ZBBX: variants seen among roughly 807,000 people sequenced by gnomAD.
ZBBX encodes the protein zinc finger B-box domain-containing protein 1.
In ZBBX, 101 loss-of-function variants were observed where a neutral mutation model predicts 108.5. The ratio of observed to expected loss-of-function variants is 0.93; its 90% CI spans 0.79 to 1.10. The LOEUF is 1.10. Among genes scored for constraint, ZBBX ranks in the 50% least tolerant of loss-of-function variants. The pLI is 0.00. For missense variants in ZBBX, 1,009 were observed against 941.4 expected (o/e 1.07, Z -0.94); for synonymous variants, 356 against 323.4 (o/e 1.10, Z -1.08).
At position 167,288,927 on chromosome 3, in the gene ZBBX, C is replaced by T. The variant is rs1437780790; in HGVS notation, c.1936G>A (p.Val646Ile). The stretch of plus-strand genomic sequence containing the variant: ...TGAGCACCCTGCAGAACACCCAAGA[C>T]AATTGCATTATCAGCATATTCACTT... The part of the protein sequence containing the change: ...SLSEYADNAI[V>I]LGVLQGAQSP... Residue 646 changes from valine to isoleucine, a missense_variant, in exon 19 of 22, where the codon GTC (valine) becomes ATC (isoleucine). Physicochemically the swap from Val to Ile is conservative, Grantham distance 29. Coordinates refer to ENST00000675490, the MANE Select transcript of ZBBX (RefSeq NM_001199201.2). 27 of 1,545,032 alleles carry T rather than the reference C, an allele frequency of 1.7e-5. No homozygotes were observed. Among genetic ancestry groups the T allele is most frequent in the Non-Finnish European group, 2.3e-5 (26 of 1,143,172 alleles).
At chr3:167,339,999 C>T (rs1577040198) in intron 9 of ZBBX, among the ~76,000 whole-genome samples, 1 of 151,982 alleles carries the variant, frequency 6.6e-6, no homozygotes, top group Non-Finnish European at 1.5e-5. Flanking sequence ...GTTGTGGCAG[C>T]AACACATGTA....
At chr3:167,393,079 A>G (rs551733493) in intron 1 of ZBBX, among the ~76,000 whole-genome samples, 1 of 151,930 alleles carries the variant, frequency 6.6e-6, no homozygotes, top group African/African-American at 2.4e-5. Flanking sequence ...AATGTTAGCT[A>G]GCCTAAAACA....
At chr3:167,395,156 G>A (rs1748190144) in intron 1 of ZBBX, among the ~76,000 whole-genome samples, 1 of 151,974 alleles carries the variant, frequency 6.6e-6, no homozygotes. Context: ...CTAGAAGAAT[G>A]AAGGCCAAGA....
At chr3:167,276,744 C>T (rs1358544088) in intron 20 of ZBBX, among the ~76,000 whole-genome samples, 11 of 152,190 alleles carry the variant, frequency 7.2e-5, no homozygotes, top group East Asian at 3.9e-4. Context: ...ATATAGAGAA[C>T]GCCACAAAGA....
chr3:167,365,876 ATCT>A lies in ZBBX; in HGVS notation c.273+7_273+9del. 1.9e-6 allele frequency: 3 copies of A among 1,582,228 alleles called. No individual in the cohort carries two copies. The highest frequency in any genetic ancestry group is 2.6e-6 in the Non-Finnish European group (3 of 1,155,986). ...GCAAAATGCATAAGAATCAAATAGTATCTTCTTACCTTAACAACATTTCCTTTA... is the reference window on the plus strand; with the variant it reads ...GCAAAATGCATAAGAATCAAATAGTATCTTACCTTAACAACATTTCCTTTA... On this transcript the variant is annotated splice_region_variant and intron_variant, in intron 6 of 21. Coordinates refer to ENST00000675490, the MANE Select transcript of ZBBX (RefSeq NM_001199201.2).
Position 167,314,069 on chromosome 3 carries a change from C to A in ZBBX, c.1322G>T (p.Gly441Val). The change falls in exon 16 of 22, where the codon GGC becomes GTC. Residue 441 changes from glycine to valine, a missense_variant. Coordinates refer to ENST00000675490, the MANE Select transcript of ZBBX (RefSeq NM_001199201.2). ...ATCGAAAACATGATGTTGATGGATG[C>A]CATTTTCATATGGAAAGCTATTCTT... ...CQKNSFPYEN[G>V]IHQHHVFDKG... The A allele has an allele frequency of 6.2e-7, 1 of 1,604,412 alleles. No individual in the cohort carries two copies.
chr3:167,370,557 T>A (rs1180073599), intron 4 of ZBBX, among the ~76,000 whole-genome samples: 2 of 152,132 alleles, frequency 1.3e-5, no homozygotes, highest in African/African-American at 4.8e-5. Context: ...CTTCTGACGT[T>A]TTTGAAGTCC....
At chr3:167,334,064 G>A (rs1374876066) in intron 9 of ZBBX, 79 bp from the exon 10 acceptor site, 3 of 929,694 alleles carry the variant, frequency 3.2e-6, no homozygotes, top group African/African-American at 3.4e-5. Flanking sequence ...TCATATTTGT[G>A]TTATTCTATG....
chr3:167,310,795 T>C (rs1309869830), intron 16 of ZBBX, among the ~76,000 whole-genome samples: 1 of 152,168 alleles, frequency 6.6e-6, no homozygotes, highest in Non-Finnish European at 1.5e-5. Flanking sequence ...ATCTAAAAAT[T>C]ATATACAAGA....
chr3:167,354,958 T>C (rs1310047601), intron 8 of ZBBX, among the ~76,000 whole-genome samples: 1 of 151,904 alleles, frequency 6.6e-6, no homozygotes, highest in African/African-American at 2.4e-5. Context: ...TGACCTCCAA[T>C]TGGAAAATCT....
intron 20 of ZBBX, 69 bp downstream of exon 20, chr3:167,282,169 G>T (rs1479366813): frequency 1.4e-6 from 2 of 1,469,476 alleles, no homozygotes; most frequent in Admixed American, 2.2e-5. Flanking sequence ...GTTAGCGCAA[G>T]ATATGAAGAA....
chr3:167,298,443 C>A lies in ZBBX; in HGVS notation c.1741G>T (p.Ala581Ser). Reference sequence around the variant, plus strand: ...TTTGTTATAGGCTTACTTCTGCAGGCTATTTCTTGTAACAACTAAGAAACA... The same window carrying A: ...TTTGTTATAGGCTTACTTCTGCAGGATATTTCTTGTAACAACTAAGAAACA... ...TKSSLLLQEI[A>S]CRSKPITKQY... Residue 581 changes from alanine to serine, a missense_variant, in exon 18 of 22, where the codon GCC becomes TCC. Coordinates refer to ENST00000675490, the MANE Select transcript of ZBBX (RefSeq NM_001199201.2). 1 of 1,497,432 alleles carries A rather than the reference C, an allele frequency of 6.7e-7. No individual in the cohort carries two copies. Among genetic ancestry groups the A allele is most frequent in the Non-Finnish European group, 9.0e-7 (1 of 1,114,916 alleles). The allele number at this position is 1,497,432 out of a possible 1,614,324, so 92.8% of individuals were successfully genotyped here.
chr3:167,201,705 C>T, the ZBBX span, among the ~76,000 whole-genome samples: 1 of 152,054 alleles, frequency 6.6e-6, no homozygotes, highest in African/African-American at 2.4e-5. Context: ...CGTCAAACTC[C>T]AGGAGATGCA....
intron 6 of ZBBX, among the ~76,000 whole-genome samples, chr3:167,363,846 T>A (rs1471791701): frequency 6.6e-6 from 1 of 152,104 alleles, no homozygotes; most frequent in African/African-American, 2.4e-5. Flanking sequence ...GACACAATCA[T>A]CAAATTTAGG....
At chr3:167,323,245 G>C (rs896914009) in intron 11 of ZBBX, among the ~76,000 whole-genome samples, 2 of 149,240 alleles carry the variant, frequency 1.3e-5, no homozygotes, top group Non-Finnish European at 3.0e-5. Context: ...AAGAGGGGGG[G>C]GGGGGAAAGA....
intron 17 of ZBBX, among the ~76,000 whole-genome samples, chr3:167,304,645 A>G (rs1733305290): frequency 6.6e-6 from 1 of 152,162 alleles, no homozygotes; most frequent in Non-Finnish European, 1.5e-5. Flanking sequence ...ATATTTGGGT[A>G]TGTATATCCA....
At chr3:167,392,321 G>T (rs1748104696) in intron 1 of ZBBX, among the ~76,000 whole-genome samples, 1 of 151,620 alleles carries the variant, frequency 6.6e-6, no homozygotes, top group African/African-American at 2.4e-5. Context: ...ACATTTAATT[G>T]TATCCAGTTT....
chr3:167,245,791 A>G (rs1194084663), intron 20 of ZBBX, among the ~76,000 whole-genome samples: 2 of 151,592 alleles, frequency 1.3e-5, no homozygotes, highest in African/African-American at 4.8e-5. Flanking sequence ...CTTCCCGTGC[A>G]CTCTGCAAAA....
intron 20 of ZBBX, among the ~76,000 whole-genome samples, chr3:167,276,929 G>T (rs1727700273): frequency 6.6e-6 from 1 of 151,940 alleles, no homozygotes; most frequent in Non-Finnish European, 1.5e-5. Context: ...AAGAGAGTGG[G>T]GGCCAATATT....
Sources: allele counts gnomAD v4.1 joint callset (sites outside exome capture counted in the v4.1 genomes callset), GRCh38; gene constraint gnomAD v4.1.1; transcripts MANE v1.5; gene names NCBI Gene and HGNC (gene_info 2026-07-23, HGNC 2026-07-21).